Variants in ANKRD6 observed in about 807,000 individuals in gnomAD.
ANKRD6 encodes the protein ankyrin repeat domain 6, also known as ankyrin repeat domain-containing protein 6.
A neutral mutation model predicts 82.3 loss-of-function variants in ANKRD6; 56 were observed. The ratio of observed to expected loss-of-function variants is 0.68; its 90% CI spans 0.55 to 0.85. The LOEUF (loss-of-function observed/expected upper bound fraction) is 0.85, where lower values mean the gene tolerates loss of function less well. Ranked by LOEUF, ANKRD6 falls within the 40% of genes least tolerant of loss-of-function variation. The pLI is 0.00. For missense variants in ANKRD6, 852 were observed against 907.6 expected (o/e 0.94, Z 0.79); for synonymous variants, 347 against 352.1 (o/e 0.99, Z 0.16).
intron 2 of ANKRD6, among the ~76,000 whole-genome samples, chr6:89,580,203 C>G (rs1297153927): frequency 7.0e-6 from 1 of 142,790 alleles, no homozygotes; most frequent in East Asian, 2.0e-4. Flanking sequence ...CCTCGAGAAA[C>G]TTGATTTTTT....
intron 1 of ANKRD6, among the ~76,000 whole-genome samples, chr6:89,517,714 G>T (rs1781393382): frequency 1.3e-5 from 2 of 152,192 alleles, no homozygotes; most frequent in Admixed American, 1.3e-4. Flanking sequence ...CGTCAGTGGG[G>T]ATACTTTTTA....
At chr6:89,491,597 T>C (rs1290128961) in intron 1 of ANKRD6, among the ~76,000 whole-genome samples, 1 of 151,590 alleles carries the variant, frequency 6.6e-6, no homozygotes, top group African/African-American at 2.4e-5. Context: ...ATGAGAACAC[T>C]TGGACACAGG....
At position 89,556,462 on chromosome 6, in the gene ANKRD6, T is replaced by A. The variant is rs183546031; in HGVS notation, c.-143-10372T>A. ...CAAAGCACACTCACTATCTGAATCC[T>A]GAATATTAGTCTGGCTTTGGCTTCT... On this transcript the variant is annotated intron_variant, in intron 1 of 15. Coordinates refer to ENST00000339746, the MANE Select transcript of ANKRD6 (RefSeq NM_001242809.2). Among the ~76,000 whole-genome samples, 353 of 152,364 alleles carry A rather than the reference T, an allele frequency of 2.3e-3. 1 individual carries two copies. Among genetic ancestry groups the A allele is most frequent in the African/African-American group, 8.2e-3 (342 of 41,578 alleles).
intron 2 of ANKRD6, among the ~76,000 whole-genome samples, chr6:89,585,910 AAAAG>A (rs1334038029): frequency 1.3e-5 from 2 of 152,240 alleles, no homozygotes; most frequent in African/African-American, 4.8e-5. Context: ...GTCTCACAAA[AAAAG>A]AAAGCACTAG....
At chr6:89,536,822 A>G (rs1405440526) in intron 1 of ANKRD6, among the ~76,000 whole-genome samples, 1 of 152,186 alleles carries the variant, frequency 6.6e-6, no homozygotes, top group East Asian at 1.9e-4. Flanking sequence ...TTTTACCTTC[A>G]TGTACTCATC....
At position 89,500,100 on chromosome 6, in the gene ANKRD6, C is replaced by CCT. The variant is rs1779097187; in HGVS notation, c.-144+66728_-144+66729dup. On this transcript the variant is annotated intron_variant, in intron 1 of 15. Coordinates refer to ENST00000339746, the MANE Select transcript of ANKRD6 (RefSeq NM_001242809.2). ...GTGATGTGAATGGTCACCTTTCCCA[C>CCT]CTCTGGTGGCTCTTTTATCTTGCTC... is the stretch of plus-strand genomic sequence containing the variant. Among the ~76,000 whole-genome samples, 3 of 151,174 alleles carry CCT rather than the reference C, an allele frequency of 2.0e-5. No individual in the cohort carries two copies. The South Asian group carries it at 6.2e-4, about 31-fold the overall frequency.
intron 1 of ANKRD6, among the ~76,000 whole-genome samples, chr6:89,484,896 C>T (rs372886571): frequency 2.0e-5 from 3 of 152,288 alleles, no homozygotes; most frequent in African/African-American, 7.2e-5. Context: ...TGTTTTGAGA[C>T]GTGGGCTCTA....
At chr6:89,493,199 C>A (rs1473736077) in intron 1 of ANKRD6, among the ~76,000 whole-genome samples, 1 of 152,124 alleles carries the variant, frequency 6.6e-6, no homozygotes, top group African/African-American at 2.4e-5. Context: ...GTTCTGGAGG[C>A]CAGAAGTCCA....
intron 1 of ANKRD6, among the ~76,000 whole-genome samples, chr6:89,436,773 T>A (rs2127923452): frequency 6.6e-6 from 1 of 152,346 alleles, no homozygotes; most frequent in Middle Eastern, 3.4e-3. Context: ...CTGTTGATGG[T>A]GCCCCACTGC....
rs185063703 is a variant in ANKRD6, at chr6:89,459,298, G to A, written c.-144+25923G>A. ...TCTCCATGTTGGTCAGGCTGGTCTC[G>A]AACTCCCGACCTCAGGTGATCTGCC... is the stretch of plus-strand genomic sequence containing the variant. On this transcript the variant is annotated intron_variant, in intron 1 of 15. Transcript: ENST00000339746. 7.8e-3 allele frequency among the ~76,000 whole-genome samples: 1,184 copies of A among 152,184 alleles called. 17 individuals carry two copies. The highest frequency in any genetic ancestry group is 0.027 in the African/African-American group (1,106 of 41,524).
At chr6:89,589,550 C>T (rs972680111) in intron 2 of ANKRD6, among the ~76,000 whole-genome samples, 4 of 152,196 alleles carry the variant, frequency 2.6e-5, no homozygotes, top group Non-Finnish European at 4.4e-5. Context: ...ATTATCTTAA[C>T]GGGAATTCTT....
intron 1 of ANKRD6, among the ~76,000 whole-genome samples, chr6:89,480,775 A>AT (rs989801569): frequency 0.014 from 2,008 of 145,538 alleles, 49 homozygotes; most frequent in African/African-American, 0.048. Flanking sequence ...ACATCTCTAC[A>AT]TTTTTTTTTT....
chr6:89,507,091 A>G (rs962224583), intron 1 of ANKRD6, among the ~76,000 whole-genome samples: 3 of 152,250 alleles, frequency 2.0e-5, no homozygotes, highest in Non-Finnish European at 2.9e-5. Flanking sequence ...TTTATTATCA[A>G]TTAACATTGT....
chr6:89,631,138 T>C lies in ANKRD6; in HGVS notation c.*134T>C, dbSNP rs994547898. ...TTTAAAAAAATCACTAATTCTACAA[T>C]GTGCCAGATACATGTTTCCTATGCC... On this transcript the variant is annotated 3_prime_UTR_variant, in exon 16 of 16. Coordinates refer to ENST00000339746, the MANE Select transcript of ANKRD6 (RefSeq NM_001242809.2). The C allele has an allele frequency of 1.0e-4, 140 of 1,382,902 alleles. No individual in the cohort carries two copies. In the African/African-American group the frequency reaches 1.8e-3, roughly 17 times the overall value. The allele number at this position is 1,382,902 out of a possible 1,614,324, so 85.7% of individuals were successfully genotyped here.
intron 1 of ANKRD6, among the ~76,000 whole-genome samples, chr6:89,467,569 C>T (rs1291702636): frequency 2.6e-5 from 4 of 152,148 alleles, no homozygotes; most frequent in African/African-American, 9.7e-5. Flanking sequence ...AGTAGCTCCC[C>T]ATGTAGATCA....
chr6:89,531,016 G>A (rs770558899), intron 1 of ANKRD6, among the ~76,000 whole-genome samples: 3 of 152,212 alleles, frequency 2.0e-5, no homozygotes, highest in Admixed American at 6.5e-5. Flanking sequence ...ATGAGATACC[G>A]AGGCAGGCAT....
intron 1 of ANKRD6, among the ~76,000 whole-genome samples, chr6:89,497,339 G>A (rs1024240911): frequency 6.6e-6 from 1 of 152,264 alleles, no homozygotes; most frequent in African/African-American, 2.4e-5. Flanking sequence ...CCTGCTTTGT[G>A]ACTGTTATCC....
Position 89,621,949 on chromosome 6 carries a change from C to T in ANKRD6, c.820C>T (p.Leu274=), listed in dbSNP as rs375403975. 3.6e-4 allele frequency: 578 copies of T among 1,613,776 alleles called. No homozygotes were observed. The highest frequency in any genetic ancestry group is 4.7e-4 in the Non-Finnish European group (557 of 1,179,910). The change falls in exon 10 of 16, where the codon CTG becomes TTG. Residue 274 remains leucine, a synonymous_variant. Transcript: ENST00000339746. ...QVLRFSRGRS[L]RKKRERLKEE... ...CTTGCGCTTCAGTCGTGGGCGAAGC[C>T]TGAGGAAAAAGAGAGAGAGGCTCAA...
chr6:89,540,533 G>A (rs1345866753), intron 1 of ANKRD6, among the ~76,000 whole-genome samples: 1 of 152,082 alleles, frequency 6.6e-6, no homozygotes. Context: ...TTAATCCCTT[G>A]TCAGGTGGAT....
Sources: gnomAD v4.1 joint callset for allele counts (sites outside exome capture counted in the v4.1 genomes callset) on GRCh38, gnomAD v4.1.1 for gene constraint, MANE v1.5 for transcripts, NCBI Gene and HGNC (gene_info 2026-07-23, HGNC 2026-07-21) for gene names.